The following RFT1 variants were observed in gnomAD, a reference collection of about 807,000 sequenced individuals.
RFT1 encodes man(5)GlcNAc(2)-PP-dolichol translocation protein RFT1.
Under a neutral mutation model 62.2 loss-of-function variants are expected in RFT1, and 43 were observed. The ratio of observed to expected loss-of-function variants is 0.69; its 90% CI spans 0.54 to 0.89. The LOEUF (loss-of-function observed/expected upper bound fraction) is 0.89. Among genes scored for constraint, RFT1 ranks in the 40% least tolerant of loss-of-function variants. The pLI is 0.00. For synonymous variants in RFT1, 262 were observed against 264.6 expected (o/e 0.99, Z 0.10); for missense variants, 605 against 649.9 (o/e 0.93, Z 0.75).
chr3:53,126,070 G>T, intron 1 of RFT1, 76 bp from the exon 2 acceptor site: 3 of 1,184,826 alleles, frequency 2.5e-6, no homozygotes, highest in Non-Finnish European at 3.7e-6. Flanking sequence ...AGAACAATGT[G>T]GCTGTTCTTC....
chr3:53,120,116 ATT>A (rs1701928143), intron 5 of RFT1, 95 bp from the exon 6 acceptor site: 1 of 1,096,138 alleles, frequency 9.1e-7, no homozygotes, highest in African/African-American at 1.6e-5. Context: ...AACTCTCTTG[ATT>A]AACTGCACTT....
chr3:53,084,824 C>G (rs1016297799), downstream of RFT1, among the ~76,000 whole-genome samples: 34 of 152,318 alleles, frequency 2.2e-4, no homozygotes, highest in Admixed American at 5.9e-4. Context: ...AGAAATGTGA[C>G]AGGGAAATGG....
chr3:53,098,758 C>T (rs1054443714), intron 11 of RFT1, among the ~76,000 whole-genome samples: 12 of 145,618 alleles, frequency 8.2e-5, no homozygotes, highest in Admixed American at 3.5e-4. Context: ...GCAGAGACTG[C>T]GCCACTGCAC....
At chr3:53,116,328 C>G (rs1177043066) in intron 6 of RFT1, among the ~76,000 whole-genome samples, 1 of 142,292 alleles carries the variant, frequency 7.0e-6, no homozygotes, top group African/African-American at 2.6e-5. Flanking sequence ...GGGTTTCACT[C>G]TGTCGCCCAG....
the RFT1 span, among the ~76,000 whole-genome samples, chr3:53,076,097 C>G: frequency 1.3e-5 from 2 of 152,208 alleles, no homozygotes; most frequent in African/African-American, 4.8e-5. Context: ...GGCCTGAGGC[C>G]CCTGCCCCAC....
At chr3:53,092,341 T>C in intron 12 of RFT1, 28 bp downstream of exon 12, 1 of 1,586,592 alleles carries the variant, frequency 6.3e-7, no homozygotes, top group African/African-American at 1.3e-5. Flanking sequence ...TGCAGAAGCA[T>C]GTGGCATGAT....
intron 10 of RFT1, 116 bp from the exon 11 acceptor site, chr3:53,099,602 G>T: frequency 1.3e-6 from 1 of 762,770 alleles, no homozygotes; most frequent in Non-Finnish European, 2.3e-6. Context: ...GCTGGTATCA[G>T]CAATGGGCAG....
At chr3:53,067,145 T>C in the RFT1 span, among the ~76,000 whole-genome samples, 2 of 152,158 alleles carry the variant, frequency 1.3e-5, no homozygotes, top group East Asian at 3.9e-4. Context: ...CTGGGTAACA[T>C]AGTGAAACCC....
the RFT1 span, among the ~76,000 whole-genome samples, chr3:53,070,067 C>T: frequency 4.7e-3 from 713 of 152,236 alleles, 7 homozygotes; most frequent in African/African-American, 0.016. Flanking sequence ...TGGCTTCCCC[C>T]ATCTCCCACC....
chr3:53,116,960 T>G (rs939140980), intron 6 of RFT1, among the ~76,000 whole-genome samples: 1 of 152,236 alleles, frequency 6.6e-6, no homozygotes, highest in Non-Finnish European at 1.5e-5. Flanking sequence ...CTTCCTAATC[T>G]TTATGTAAAC....
chr3:53,128,502 T>C (rs1702173651), intron 1 of RFT1, among the ~76,000 whole-genome samples: 2 of 152,138 alleles, frequency 1.3e-5, no homozygotes, highest in Non-Finnish European at 2.9e-5. Context: ...TTCATTTACT[T>C]CTGCAAAGAA....
chr3:53,094,351 GCACACACACACACA>G (rs55637878), intron 11 of RFT1, among the ~76,000 whole-genome samples: 37 of 149,892 alleles, frequency 2.5e-4, no homozygotes, highest in East Asian at 9.9e-4. Context: ...AATACTACAC[GCACACACACACACA>G]CACACACACA....
the RFT1 span, among the ~76,000 whole-genome samples, chr3:53,070,393 GT>G: frequency 1.8e-3 from 155 of 85,452 alleles, 3 homozygotes; most frequent in African/African-American, 5.0e-3. Context: ...CTGTATTATG[GT>G]TTTTTTTTTT....
intron 6 of RFT1, 65 bp downstream of exon 6, chr3:53,119,819 T>C: frequency 7.1e-7 from 1 of 1,417,120 alleles, no homozygotes; most frequent in Non-Finnish European, 9.7e-7. Flanking sequence ...AGTTGCAGTT[T>C]CTTTCTCTCA....
chr3:53,100,957 A>G (rs186061631), intron 10 of RFT1, among the ~76,000 whole-genome samples: 20 of 137,738 alleles, frequency 1.5e-4, no homozygotes, highest in African/African-American at 3.3e-4. Context: ...ACAAAGGGAG[A>G]AAAAAAACTC....
At position 53,105,791 on chromosome 3, in the gene RFT1, A is replaced by G. The variant is rs757620281; in HGVS notation, c.839T>C (p.Ile280Thr). 1.3e-5 allele frequency: 21 copies of G among 1,613,454 alleles called. No homozygotes were observed. The highest frequency in any genetic ancestry group is 1.8e-5 in the Non-Finnish European group (21 of 1,179,662). Residue 280 changes from isoleucine (I) to threonine (T), a missense_variant, in exon 9 of 13, where the codon ATA becomes ACA. By Grantham distance (89) the Ile-to-Thr change is moderately conservative. Coordinates refer to ENST00000296292, the MANE Select transcript of RFT1 (RefSeq NM_052859.4). ...LNFGDQGVYDIVNNLGSLVAR... is the reference protein window; with the variant it reads ...LNFGDQGVYDTVNNLGSLVAR... ...CACAAGGGAGCCAAGATTATTCACT[A>G]TATCATACACACCTACAAAACAAAA...
chr3:53,086,368 T>C (rs781414784), downstream of RFT1, among the ~76,000 whole-genome samples: 3 of 152,120 alleles, frequency 2.0e-5, no homozygotes, highest in Non-Finnish European at 2.9e-5. Context: ...CAGGCTGGAG[T>C]GCAGTGGCGC....
At chr3:53,086,759 C>T (rs1456509896), downstream of RFT1, among the ~76,000 whole-genome samples, 1 of 152,204 alleles carries the variant, frequency 6.6e-6, no homozygotes, top group Non-Finnish European at 1.5e-5. Context: ...TCCAGTGTGC[C>T]TTCCAGAACT....
rs1275153388 is a variant in RFT1 at position 53,123,708 on chromosome 3, C to A, written c.266+16G>T. 1.2e-5 allele frequency: 20 copies of A among 1,601,478 alleles called. No individual in the cohort carries two copies. Among genetic ancestry groups the A allele is most frequent in the Non-Finnish European group, 1.7e-5 (20 of 1,168,556 alleles). On this transcript the variant is annotated intron_variant, in intron 3 of 12. Coordinates refer to ENST00000296292, the MANE Select transcript of RFT1 (RefSeq NM_052859.4). ...CTGCCTTCCTGAAACGTGTCTCCTG[C>A]CAAAGCACAACTCACGTTAGCCACA...
Sources: gnomAD v4.1 joint callset for allele counts (sites outside exome capture counted in the v4.1 genomes callset) on GRCh38, gnomAD v4.1.1 for gene constraint, MANE v1.5 for transcripts, NCBI Gene and HGNC (gene_info 2026-07-23, HGNC 2026-07-21) for gene names.